Variants in FGF7 observed in about 807,000 individuals in gnomAD.
The protein encoded by FGF7 is fibroblast growth factor 7.
FGF7 carries 6 observed loss-of-function variants against 20.5 expected under a neutral mutation model. The observed-to-expected ratio is 0.29, with a 90% CI of 0.16 to 0.58. The LOEUF (loss-of-function observed/expected upper bound fraction) is 0.58, where lower values mean the gene tolerates loss of function less well. Ranked by LOEUF, FGF7 falls within the 20% of genes least tolerant of loss-of-function variation. FGF7 has a pLI of 0.90. For synonymous variants in FGF7, 64 were observed against 74.7 expected, an observed-to-expected ratio of 0.86 and a Z score of 0.74; for missense variants, 144 against 228.8, an observed-to-expected ratio of 0.63 and a Z score of 2.39.
chr15:49,454,825 G>C (rs1251294286), intron 2 of FGF7, among the ~76,000 whole-genome samples: 1 of 152,086 alleles, frequency 6.6e-6, no homozygotes, highest in Non-Finnish European at 1.5e-5. Context: ...TAGCCAGGAT[G>C]GTCTCGATCT....
chr15:49,440,215 A>G (rs944430331), intron 2 of FGF7, among the ~76,000 whole-genome samples: 1 of 151,816 alleles, frequency 6.6e-6, no homozygotes, highest in African/African-American at 2.4e-5. Flanking sequence ...ATGCATTATT[A>G]CTGTGGTTTG....
intron 2 of FGF7, among the ~76,000 whole-genome samples, chr15:49,482,157 T>G (rs1296669371): frequency 6.6e-6 from 1 of 152,128 alleles, no homozygotes; most frequent in Non-Finnish European, 1.5e-5. Flanking sequence ...TGTACCTTCA[T>G]GTAGAAAATG....
chr15:49,463,595 C>A (rs535652610), intron 2 of FGF7, among the ~76,000 whole-genome samples: 1 of 150,980 alleles, frequency 6.6e-6, no homozygotes, highest in African/African-American at 2.4e-5. Context: ...TGCATAAGTT[C>A]TTAATGGTCT....
chr15:49,475,578 ATAT>A (rs1253995000), intron 2 of FGF7, among the ~76,000 whole-genome samples: 12 of 152,136 alleles, frequency 7.9e-5, no homozygotes, highest in Admixed American at 3.9e-4. Context: ...AACAAATAAA[ATAT>A]TATGCTAACT....
intron 2 of FGF7, among the ~76,000 whole-genome samples, chr15:49,448,358 A>T: frequency 6.7e-6 from 1 of 148,608 alleles, no homozygotes; most frequent in South Asian, 2.1e-4. Context: ...TTTCCATTTA[A>T]CTCTTTTAAT....
At chr15:49,479,662 G>A (rs2055737898) in intron 2 of FGF7, among the ~76,000 whole-genome samples, 1 of 130,486 alleles carries the variant, frequency 7.7e-6, no homozygotes, top group African/African-American at 3.1e-5. Flanking sequence ...TGTCCAGGCT[G>A]GAGTGCAATG....
chr15:49,463,929 GTTT>G (rs1261324429), intron 2 of FGF7, among the ~76,000 whole-genome samples: 7 of 132,258 alleles, frequency 5.3e-5, no homozygotes, highest in Non-Finnish European at 9.7e-5. Context: ...GTTTTTGTTT[GTTT>G]TTTGTTTGTT....
chr15:49,438,409 G>T (rs538747239), intron 2 of FGF7, among the ~76,000 whole-genome samples: 117 of 151,770 alleles, frequency 7.7e-4, no homozygotes, highest in African/African-American at 2.8e-3. Context: ...CCATTGCTTT[G>T]TTCCACCCAG....
At chr15:49,451,063 T>A (rs1175282448) in intron 2 of FGF7, among the ~76,000 whole-genome samples, 1 of 152,068 alleles carries the variant, frequency 6.6e-6, no homozygotes, top group African/African-American at 2.4e-5. Flanking sequence ...TTTAATTCAA[T>A]CAAAATTTTA....
chr15:49,481,486 G>A (rs1316777905), intron 2 of FGF7, among the ~76,000 whole-genome samples: 3 of 152,190 alleles, frequency 2.0e-5, no homozygotes, highest in Non-Finnish European at 2.9e-5. Context: ...GCCTAGCATA[G>A]AATTGGCTCT....
At chr15:49,457,928 A>G (rs1044714888) in intron 2 of FGF7, among the ~76,000 whole-genome samples, 4 of 152,022 alleles carry the variant, frequency 2.6e-5, no homozygotes, top group East Asian at 3.8e-4. Context: ...AATTAATGTT[A>G]GAAAAATTAA....
At chr15:49,437,618 T>A (rs892506740) in intron 2 of FGF7, among the ~76,000 whole-genome samples, 3 of 151,856 alleles carry the variant, frequency 2.0e-5, no homozygotes, top group East Asian at 3.9e-4. Context: ...AACTTTAGGT[T>A]CTTTCAGTGT....
chr15:49,452,616 T>A (rs966928978), intron 2 of FGF7, among the ~76,000 whole-genome samples: 24 of 152,176 alleles, frequency 1.6e-4, no homozygotes, highest in African/African-American at 5.5e-4. Context: ...ATGCAGTCTT[T>A]AGGAAATATA....
At chr15:49,439,433 G>A (rs1449487118) in intron 2 of FGF7, among the ~76,000 whole-genome samples, 1 of 151,716 alleles carries the variant, frequency 6.6e-6, no homozygotes, top group African/African-American at 2.4e-5. Context: ...AAAACGTGGG[G>A]GGAGGGAACT....
At chr15:49,467,423 C>T (rs2151951380) in intron 2 of FGF7, among the ~76,000 whole-genome samples, 3 of 152,136 alleles carry the variant, frequency 2.0e-5, no homozygotes, top group South Asian at 4.1e-4. Flanking sequence ...GTTAACTCCT[C>T]CCTGGTACAT....
At chr15:49,480,818 C>T (rs2152011391) in intron 2 of FGF7, among the ~76,000 whole-genome samples, 1 of 152,046 alleles carries the variant, frequency 6.6e-6, no homozygotes, top group South Asian at 2.1e-4. Context: ...AAACAGTGGG[C>T]AATAGACAGG....
chr15:49,458,283 A>AC (rs141562492), intron 2 of FGF7, among the ~76,000 whole-genome samples: 6,960 of 151,596 alleles, frequency 0.046, 233 homozygotes, highest in Middle Eastern at 0.072. Context: ...GAGAAAAAGA[A>AC]CCCCCCCACG....
intron 3 of FGF7, 129 bp downstream of exon 3, chr15:49,483,383 C>T (rs1449619570): frequency 3.4e-6 from 2 of 582,486 alleles, no homozygotes; most frequent in Non-Finnish European, 6.1e-6. Context: ...TATTAAAACA[C>T]TTTATACTCA....
At position 49,424,327 on chromosome 15, in the gene FGF7, G is replaced by T; in HGVS notation, c.30G>T (p.Leu10=). Residue 10 remains leucine (L), a synonymous_variant, in exon 2 of 4, where the codon CTG becomes CTT. Transcript: ENST00000267843. ...ACAAATGGATACTGACATGGATCCT[G>T]CCAACTTTGCTCTACAGATCATGCT... MHKWILTWI[L]PTLLYRSCFH... 1 of 1,613,558 alleles carries T rather than the reference G, an allele frequency of 6.2e-7. No homozygotes were observed. The highest frequency in any genetic ancestry group is 8.5e-7 in the Non-Finnish European group (1 of 1,179,602).
Sources: allele counts gnomAD v4.1 joint callset (sites outside exome capture counted in the v4.1 genomes callset), GRCh38; gene constraint gnomAD v4.1.1; transcripts MANE v1.5; gene names NCBI Gene and HGNC (gene_info 2026-07-23, HGNC 2026-07-21).